Variants in PALM2AKAP2 observed in about 807,000 individuals in gnomAD.
PALM2AKAP2 encodes the protein PALM2-AKAP2 fusion protein.
Under a neutral mutation model 71.5 loss-of-function variants are expected in PALM2AKAP2, and 37 were observed. That is an observed-to-expected ratio of 0.52 (90% CI 0.40 to 0.68). The LOEUF (loss-of-function observed/expected upper bound fraction) is 0.68, where lower values mean the gene tolerates loss of function less well. Among genes scored for constraint, PALM2AKAP2 ranks in the 30% least tolerant of loss-of-function variants. PALM2AKAP2 has a pLI of 0.00. For missense variants in PALM2AKAP2, 1,224 were observed against 1,191.8 expected (o/e 1.03, Z -0.40); for synonymous variants, 468 against 478.8 (o/e 0.98, Z 0.29).
At chr9:109,884,845 A>G (rs1187514894) in intron 3 of PALM2AKAP2, among the ~76,000 whole-genome samples, 5 of 152,238 alleles carry the variant, frequency 3.3e-5, no homozygotes, top group Admixed American at 2.0e-4. Flanking sequence ...GCTTGAAGAC[A>G]CTGAAGGAGG....
chr9:109,903,524 T>C (rs1830375897), intron 3 of PALM2AKAP2, among the ~76,000 whole-genome samples: 1 of 152,178 alleles, frequency 6.6e-6, no homozygotes, highest in Non-Finnish European at 1.5e-5. Context: ...TAGCTGGATA[T>C]TTTTGCACAC....
intron 1 of PALM2AKAP2, among the ~76,000 whole-genome samples, chr9:109,844,818 A>G (rs538570195): frequency 1.3e-5 from 2 of 152,306 alleles, no homozygotes; most frequent in South Asian, 4.1e-4. Flanking sequence ...AAGGAAGCCT[A>G]CACAACTCAC....
intron 1 of PALM2AKAP2, among the ~76,000 whole-genome samples, chr9:109,815,930 T>C (rs1364849277): frequency 5.3e-5 from 8 of 152,134 alleles, no homozygotes; most frequent in Admixed American, 4.6e-4. Flanking sequence ...GGATAAATGA[T>C]GGTATGGGGT....
At chr9:110,109,541 C>A (rs1169426488) in intron 1 of PALM2AKAP2, among the ~76,000 whole-genome samples, 3 of 152,048 alleles carry the variant, frequency 2.0e-5, no homozygotes, top group Admixed American at 2.0e-4. Flanking sequence ...ATGAATAGTT[C>A]TTGAAGGCAA....
At chr9:109,825,915 G>A (rs553237503) in intron 1 of PALM2AKAP2, among the ~76,000 whole-genome samples, 231 of 152,260 alleles carry the variant, frequency 1.5e-3, no homozygotes, top group African/African-American at 5.4e-3. Flanking sequence ...ACATGCACAC[G>A]TATGTTTATT....
chr9:109,903,688 A>G (rs1448536963), intron 3 of PALM2AKAP2, among the ~76,000 whole-genome samples: 7 of 151,962 alleles, frequency 4.6e-5, no homozygotes, highest in Admixed American at 4.6e-4. Context: ...AAATTCCCAC[A>G]TGTGCTACCT....
At chr9:109,918,047 C>T (rs887784326) in intron 3 of PALM2AKAP2, among the ~76,000 whole-genome samples, 3 of 152,204 alleles carry the variant, frequency 2.0e-5, no homozygotes, top group African/African-American at 7.2e-5. Context: ...TATTCTACAG[C>T]ATGTTGTTCT....
At chr9:109,807,164 G>A (rs984784534) in intron 1 of PALM2AKAP2, among the ~76,000 whole-genome samples, 3 of 152,124 alleles carry the variant, frequency 2.0e-5, no homozygotes, top group Non-Finnish European at 4.4e-5. Context: ...AAAAAGTCCA[G>A]AATGTGCCAA....
chr9:109,906,258 G>T (rs904133586), intron 3 of PALM2AKAP2, among the ~76,000 whole-genome samples: 5 of 152,190 alleles, frequency 3.3e-5, no homozygotes, highest in South Asian at 2.1e-4. Context: ...GAGTGCAGTG[G>T]TGCAATCTCG....
chr9:109,795,935 A>G (rs1406434483), intron 1 of PALM2AKAP2, among the ~76,000 whole-genome samples: 1 of 152,248 alleles, frequency 6.6e-6, no homozygotes, highest in Non-Finnish European at 1.5e-5. Flanking sequence ...AATAGAAGTC[A>G]GGGAACAAAA....
At chr9:110,009,713 CAAAA>C (rs535271745) in intron 6 of PALM2AKAP2, among the ~76,000 whole-genome samples, 4 of 71,916 alleles carry the variant, frequency 5.6e-5, no homozygotes, top group Non-Finnish European at 6.2e-5. Context: ...GACTCTGTCT[CAAAA>C]AAAAAAAAAA....
At chr9:109,669,677 C>T (rs1267221633) in intron 1 of PALM2AKAP2, among the ~76,000 whole-genome samples, 5 of 151,876 alleles carry the variant, frequency 3.3e-5, no homozygotes, top group East Asian at 3.8e-4. Flanking sequence ...TTCAATAAGT[C>T]GCATTTTTCA....
intron 1 of PALM2AKAP2, among the ~76,000 whole-genome samples, chr9:110,112,704 A>G (rs1835278635): frequency 6.6e-6 from 1 of 152,218 alleles, no homozygotes; most frequent in African/African-American, 2.4e-5. Flanking sequence ...ACAAGAGGCA[A>G]GATAGTGGTT....
chr9:109,802,107 T>G (rs1024353073), intron 1 of PALM2AKAP2, among the ~76,000 whole-genome samples: 2 of 152,216 alleles, frequency 1.3e-5, no homozygotes, highest in South Asian at 2.1e-4. Context: ...CACTGTGGGA[T>G]GGAGCAAGAA....
chr9:110,067,171 G>C lies in PALM2AKAP2; in HGVS notation c.156+18316G>C, dbSNP rs1834098642. On this transcript the variant is annotated intron_variant, in intron 1 of 3. Coordinates refer to ENST00000374525, the Ensembl canonical transcript of PALM2AKAP2. ...CTGGGCAGATTACCGAGAGTAGGAT[G>C]CCAGGTTACATTCTCTTGGGAGAAC... 1.3e-5 allele frequency among the ~76,000 whole-genome samples: 2 copies of C among 152,124 alleles called. 1 individual carries two copies. Among genetic ancestry groups the C allele is most frequent in the African/African-American group, 4.8e-5 (2 of 41,416 alleles).
chr9:109,699,394 A>T (rs753011864), intron 1 of PALM2AKAP2, among the ~76,000 whole-genome samples: 5 of 152,234 alleles, frequency 3.3e-5, no homozygotes, highest in Non-Finnish European at 5.9e-5. Context: ...TCAGAATTTT[A>T]TATTGAGGGA....
At chr9:109,946,260 T>G (rs1253965833) in intron 6 of PALM2AKAP2, 1 of 152,226 alleles carries the variant, frequency 6.6e-6, no homozygotes, top group Non-Finnish European at 1.5e-5. Flanking sequence ...CTGTAAATTT[T>G]ATTATGTGTG....
chr9:110,154,977 A>G (rs1313065662), intron 2 of PALM2AKAP2, among the ~76,000 whole-genome samples: 1 of 152,240 alleles, frequency 6.6e-6, no homozygotes, highest in Non-Finnish European at 1.5e-5. Context: ...TGAAATGGGA[A>G]TATGAAACGA....
chr9:109,772,801 C>T (rs375419784), intron 1 of PALM2AKAP2, among the ~76,000 whole-genome samples: 3 of 152,316 alleles, frequency 2.0e-5, no homozygotes, highest in East Asian at 1.9e-4. Context: ...TCCCGGTGCA[C>T]TGAGTCTACA....
Sources: allele counts gnomAD v4.1 joint callset (sites outside exome capture counted in the v4.1 genomes callset), GRCh38; gene constraint gnomAD v4.1.1; transcripts MANE v1.5; gene names NCBI Gene and HGNC (gene_info 2026-07-23, HGNC 2026-07-21).